The following STAR variants were observed in gnomAD, a reference collection of about 807,000 sequenced individuals.
STAR encodes the protein steroidogenic acute regulatory protein, also known as steroidogenic acute regulatory protein, mitochondrial.
Under a neutral mutation model 32.3 loss-of-function variants are expected in STAR, and 32 were observed. That is an observed-to-expected ratio of 0.99 (90% CI 0.75 to 1.33). The LOEUF is 1.33. STAR is among the 40% of genes most tolerant of loss of function. STAR has a pLI of 0.00. For synonymous variants in STAR, 134 were observed against 140.5 expected (o/e 0.95, Z 0.33); for missense variants, 375 against 379.0 (o/e 0.99, Z 0.09).
Position 38,145,964 on chromosome 8 carries a change from T to C in STAR, c.649A>G (p.Arg217Gly). 1 of 1,613,784 alleles carries C rather than the reference T, an allele frequency of 6.2e-7. No homozygotes were observed. Among genetic ancestry groups the C allele is most frequent in the Non-Finnish European group, 8.5e-7 (1 of 1,180,034 alleles). ...GNMPEQKGVI[R>G]AEHGPTCMVL... ...TTTGGAGCCTGCTGCCCGTATTACC[T>C]GATGACACCCTTCTGCTCAGGCATG... The change falls in exon 5 of 7, where the codon AGG (arginine) becomes GGG (glycine). Residue 217 changes from arginine to glycine, a missense_variant and splice_region_variant. By Grantham distance (125) the Arg-to-Gly change is moderately radical. Transcript: ENST00000276449.
chr8:38,147,368 G>A (rs1473877543), intron 3 of STAR, among the ~76,000 whole-genome samples: 1 of 152,194 alleles, frequency 6.6e-6, no homozygotes, highest in African/African-American at 2.4e-5. Context: ...GATCCCAAGA[G>A]AGAAACCTGG....
chr8:38,145,331 G>T lies in STAR; in HGVS notation c.651-16C>A. 6.2e-7 allele frequency: 1 copy of T among 1,614,050 alleles called. No homozygotes were observed. The highest frequency in any genetic ancestry group is 8.5e-7 in the Non-Finnish European group (1 of 1,180,034). ...GTGCTCCGCCCTGGCAAATGGAGAA[G>T]TCAAGTCAGGAGGACAGTTGCGAGT... On this transcript the variant is annotated splice_polypyrimidine_tract_variant and intron_variant, in intron 5 of 6. Coordinates refer to ENST00000276449, the MANE Select transcript of STAR (RefSeq NM_000349.3).
rs1802617430 is a variant in STAR at position 38,148,644 on chromosome 8, G to A, written c.175C>T (p.Leu59Phe). ...GCCCAGAAGCCTCAGCACTTACCGA[G>A]TAGAGAGCTCCGCCGCCGAACCTGG... ...INQVRRRSSL[L>F]GSRLEETLYS... is the part of the protein sequence containing the mutation. The change falls in exon 2 of 7, where the codon CTC (leucine) becomes TTC (phenylalanine). Residue 59 changes from leucine (L) to phenylalanine (F), a missense_variant. Physicochemically the swap from Leu to Phe is conservative, Grantham distance 22 (BLOSUM62 0). Coordinates refer to ENST00000276449, the MANE Select transcript of STAR (RefSeq NM_000349.3). 3.1e-6 allele frequency: 5 copies of A among 1,613,876 alleles called. No individual in the cohort carries two copies. The highest frequency in any genetic ancestry group is 3.4e-6 in the Non-Finnish European group (4 of 1,179,954).
At position 38,147,291 on chromosome 8, in the gene STAR, G is replaced by A. The variant is rs1348649560; in HGVS notation, c.307-844C>T. On this transcript the variant is annotated intron_variant, in intron 3 of 6. Transcript: ENST00000276449. ...CAGCCCCACTGGACCCTTTGTCTTGGTGGTGAATGATGGTGGTATGGGTAG... is the reference window on the plus strand; with the variant it reads ...CAGCCCCACTGGACCCTTTGTCTTGATGGTGAATGATGGTGGTATGGGTAG... Among the ~76,000 whole-genome samples the A allele has an allele frequency of 2.6e-5, 4 of 152,292 alleles. No homozygotes were observed. The South Asian group carries it at 6.2e-4, about 24-fold the overall frequency.
intron 6 of STAR, chr8:38,144,597 C>T (rs1008065530): frequency 5.0e-6 from 7 of 1,403,338 alleles, no homozygotes; most frequent in Admixed American, 4.9e-5. Context: ...CAAGATGTTT[C>T]AGCCTGGTGT....
At chr8:38,147,677 C>T (rs1802597038) in intron 3 of STAR, among the ~76,000 whole-genome samples, 1 of 152,228 alleles carries the variant, frequency 6.6e-6, no homozygotes. Flanking sequence ...CCACCAAAAT[C>T]TCCATAACAG....
Position 38,146,048 on chromosome 8 carries a change from A to G in STAR, c.565T>C (p.Cys189Arg), listed in dbSNP as rs1023165350. The stretch of plus-strand genomic sequence containing the variant: ...CAGGTGGAGCCTCGGCGCTTGGCAC[A>G]GCGCACGCTCACAAAGTCACGGGGC... ...VGPRDFVSVR[C>R]AKRRGSTCVL... is the part of the protein sequence containing the mutation. The change falls in exon 5 of 7, where the codon TGT becomes CGT. Residue 189 changes from cysteine to arginine, a missense_variant. Physicochemically the swap from Cys to Arg is radical, Grantham distance 180. Transcript: ENST00000276449. 4.3e-6 allele frequency: 7 copies of G among 1,614,108 alleles called. No homozygotes were observed. The highest frequency in any genetic ancestry group is 5.9e-6 in the Non-Finnish European group (7 of 1,180,046).
rs558405051 is a variant in STAR, at chr8:38,142,929, G to T, written c.*1344C>A. Among the ~76,000 whole-genome samples the T allele has an allele frequency of 1.3e-5, 2 of 152,278 alleles. No homozygotes were observed. The highest frequency in any genetic ancestry group is 6.5e-5 in the Admixed American group (1 of 15,282). On this transcript the variant is annotated 3_prime_UTR_variant, in exon 7 of 7. Transcript: ENST00000276449. ...GCCTGTTTAAGCAGAGAAGTTGCCAGCCCCAAACAAAGTTGACAGCTGTGG... is the reference window on the plus strand; with the variant it reads ...GCCTGTTTAAGCAGAGAAGTTGCCATCCCCAAACAAAGTTGACAGCTGTGG...
chr8:38,144,164 C>A lies in STAR; in HGVS notation c.*109G>T. 2 of 1,176,930 alleles carry A rather than the reference C, an allele frequency of 1.7e-6. No homozygotes were observed. Among genetic ancestry groups the A allele is most frequent in the Non-Finnish European group, 2.4e-6 (2 of 818,808 alleles). 72.9% of individuals were successfully genotyped at this position (1,176,930 alleles called of 1,614,324 possible). On this transcript the variant is annotated 3_prime_UTR_variant, in exon 7 of 7. Coordinates refer to ENST00000276449, the MANE Select transcript of STAR (RefSeq NM_000349.3). ...ACTCTAAACACGAACCCCACCCATCCCACTGTCACCAGATGGAGATCTTAG... is the reference window on the plus strand; with the variant it reads ...ACTCTAAACACGAACCCCACCCATCACACTGTCACCAGATGGAGATCTTAG...
Position 38,146,016 on chromosome 8 carries a change from C to T in STAR, c.597G>A (p.Leu199=), listed in dbSNP as rs1400691038. The T allele has an allele frequency of 5.0e-6, 8 of 1,614,250 alleles. No individual in the cohort carries two copies. The highest frequency in any genetic ancestry group is 3.3e-5 in the Admixed American group (2 of 60,030). Residue 199 remains leucine (L), a synonymous_variant, in exon 5 of 7, where the codon CTG becomes CTA. Coordinates refer to ENST00000276449, the MANE Select transcript of STAR (RefSeq NM_000349.3). ...CAKRRGSTCV[L]AGMATDFGNM... ...TCCCGAAGTCTGTGGCCATGCCAGC[C>T]AGCACACAGGTGGAGCCTCGGCGCT...
intron 3 of STAR, among the ~76,000 whole-genome samples, chr8:38,147,810 G>A (rs535182205): frequency 6.6e-6 from 1 of 152,320 alleles, no homozygotes; most frequent in African/African-American, 2.4e-5. Flanking sequence ...TGTAGGGTGA[G>A]CCCACATCAC....
intron 2 of STAR, 87 bp from the exon 3 acceptor site, chr8:38,148,414 T>C: frequency 6.3e-7 from 1 of 1,586,836 alleles, no homozygotes; most frequent in Non-Finnish European, 8.6e-7. Flanking sequence ...GTCTGCTCAT[T>C]GCTCTGAAGA....
In STAR at chr8:38,144,371, T is replaced by C; in HGVS notation, c.760A>G (p.Ser254Gly). Residue 254 changes from serine (S) to glycine (G), a missense_variant, in exon 7 of 7, where the codon AGC becomes GGC. Physicochemically the swap from Ser to Gly is moderately conservative, Grantham distance 56 (BLOSUM62 0). Transcript: ENST00000276449. ...SIDLKGWLPK[S>G]IINQVLSQTQ... is the part of the protein sequence containing the mutation. The stretch of plus-strand genomic sequence containing the variant: ...TGGGACAGGACCTGGTTGATGATGC[T>C]CTTGGGCAGCCACCCCTGCAGTAGG... 1 of 1,601,602 alleles carries C rather than the reference T, an allele frequency of 6.2e-7. No individual in the cohort carries two copies. Among genetic ancestry groups the C allele is most frequent in the South Asian group, 1.1e-5 (1 of 88,624 alleles).
In STAR at chr8:38,148,660, C is replaced by G. The variant is rs199498999; in HGVS notation, c.159G>C (p.Arg53=). The G allele has an allele frequency of 4.3e-6, 7 of 1,614,174 alleles. No homozygotes were observed. Among genetic ancestry groups the G allele is most frequent in the Non-Finnish European group, 5.9e-6 (7 of 1,180,048 alleles). ...ACTTACCGAGTAGAGAGCTCCGCCG[C>G]CGAACCTGGTTAATCCACGTGCTAG... ...PTPSTWINQV[R]RRSSLLGSRL... is the part of the protein sequence containing the mutation. Residue 53 remains arginine, a synonymous_variant, in exon 2 of 7, where the codon CGG becomes CGC. Coordinates refer to ENST00000276449, the MANE Select transcript of STAR (RefSeq NM_000349.3).
chr8:38,145,085 T>G, intron 6 of STAR, 137 bp downstream of exon 6: 1 of 1,474,636 alleles, frequency 6.8e-7, no homozygotes, highest in South Asian at 1.2e-5. Flanking sequence ...AGGCCATCAC[T>G]CCAGACCCTT....
intron 1 of STAR, chr8:38,149,026 T>C (rs1802625546): frequency 6.2e-6 from 3 of 480,894 alleles, no homozygotes; most frequent in Non-Finnish European, 7.6e-6. Context: ...CTGGAGTTTC[T>C]GTCTCTAAAA....
chr8:38,146,232 C>T, intron 4 of STAR, 57 bp downstream of exon 4: 2 of 1,613,626 alleles, frequency 1.2e-6, no homozygotes, highest in Non-Finnish European at 1.7e-6. Context: ...CTCTTTGATA[C>T]AGCATTCACA....
At chr8:38,144,684 C>T in intron 6 of STAR, 6 of 1,204,630 alleles carry the variant, frequency 5.0e-6, no homozygotes, top group Non-Finnish European at 6.3e-6. Flanking sequence ...TTCCTTCTTT[C>T]TAAAATGATA....
chr8:38,145,098 C>T lies in STAR; in HGVS notation c.744+124G>A, dbSNP rs563289431. On this transcript the variant is annotated intron_variant, in intron 6 of 6. Transcript: ENST00000276449. Reference sequence around the variant, plus strand: ...TTAGGCCATCACTCCAGACCCTTCCCTGTCTTACAGCCTGTGATTCTATCA... The same window carrying T: ...TTAGGCCATCACTCCAGACCCTTCCTTGTCTTACAGCCTGTGATTCTATCA... The T allele has an allele frequency of 8.8e-4, 1,355 of 1,542,556 alleles. 1 individual carries two copies. The highest frequency in any genetic ancestry group is 2.2e-3 in the Admixed American group (112 of 51,426).
Sources: gnomAD v4.1 joint callset for allele counts (sites outside exome capture counted in the v4.1 genomes callset) on GRCh38, gnomAD v4.1.1 for gene constraint, MANE v1.5 for transcripts, NCBI Gene and HGNC (gene_info 2026-07-23, HGNC 2026-07-21) for gene names.